AP5Z1: variants seen among roughly 807,000 people sequenced by gnomAD.
The protein encoded by AP5Z1 is adaptor related protein complex 5 subunit zeta 1, also known as AP-5 complex subunit zeta-1.
In AP5Z1, 106 loss-of-function variants were observed where a neutral mutation model predicts 83.0. The observed-to-expected ratio is 1.28, with a 90% CI of 1.09 to 1.50. The LOEUF is 1.50. Among genes scored for constraint, AP5Z1 ranks in the 40% most tolerant of loss-of-function variants. The pLI is 0.00. For synonymous variants in AP5Z1, 751 were observed against 514.1 expected (o/e 1.46, Z -6.23); for missense variants, 1,565 against 1,094.2 (o/e 1.43, Z -6.07).
chr7:4,790,791 C>T lies in AP5Z1; in HGVS notation c.2057C>T (p.Pro686Leu), dbSNP rs1426678740. The T allele has an allele frequency of 9.9e-6, 16 of 1,609,074 alleles. No individual in the cohort carries two copies. Among genetic ancestry groups the T allele is most frequent in the Non-Finnish European group, 1.3e-5 (15 of 1,178,796 alleles). ...ALLFEVTQCR[P>L]SAALPRCPPQ... Reference sequence around the variant, plus strand: ...CTATTCGAGGTCACCCAGTGCCGCCCCTCTGCTGCCCTGCCCAGGTGTCCC... The same window carrying T: ...CTATTCGAGGTCACCCAGTGCCGCCTCTCTGCTGCCCTGCCCAGGTGTCCC... Residue 686 changes from proline (P) to leucine (L), a missense_variant, in exon 16 of 17, where the codon CCC becomes CTC. By Grantham distance (98) the Pro-to-Leu change is moderately conservative (BLOSUM62 -3). Transcript: ENST00000649063.
chr7:4,788,646 C>T (rs539201113), intron 12 of AP5Z1, 194 bp from the exon 13 acceptor site: 35 of 547,928 alleles, frequency 6.4e-5, no homozygotes, highest in Non-Finnish European at 8.9e-5. Flanking sequence ...GCCTTTGTCC[C>T]GATGGCTTTA....
intron 10 of AP5Z1, among the ~76,000 whole-genome samples, chr7:4,787,247 C>G (rs1207034069): frequency 6.6e-6 from 1 of 151,970 alleles, no homozygotes; most frequent in African/African-American, 2.4e-5. Context: ...AATCCCAGCA[C>G]CTCGGGAGGC....
rs1404327090 is a variant in AP5Z1, at chr7:4,790,800, C to T, written c.2066C>T (p.Ala689Val). The part of the protein sequence containing the change: ...FEVTQCRPSA[A>V]LPRCPPQVVT... The stretch of plus-strand genomic sequence containing the variant: ...GTCACCCAGTGCCGCCCCTCTGCTG[C>T]CCTGCCCAGGTGTCCCCCCCAGGTG... Residue 689 changes from alanine (A) to valine (V), a missense_variant, in exon 16 of 17, where the codon GCC becomes GTC. By Grantham distance (64) the Ala-to-Val change is moderately conservative. Transcript: ENST00000649063. 6 of 1,609,244 alleles carry T rather than the reference C, an allele frequency of 3.7e-6. No homozygotes were observed. Among genetic ancestry groups the T allele is most frequent in the Non-Finnish European group, 4.2e-6 (5 of 1,178,888 alleles).
intron 1 of AP5Z1, among the ~76,000 whole-genome samples, chr7:4,776,958 A>G (rs892455998): frequency 6.6e-5 from 10 of 152,292 alleles, no homozygotes; most frequent in South Asian, 2.1e-4. Context: ...AGCTAGACCA[A>G]TTGGTGGGAA....
At chr7:4,782,256 A>G (rs546060627) in intron 3 of AP5Z1, among the ~76,000 whole-genome samples, 10 of 152,164 alleles carry the variant, frequency 6.6e-5, no homozygotes, top group Admixed American at 2.0e-4. Context: ...GGGTCTCACT[A>G]TGTTGCCCAG....
chr7:4,784,408 G>A (rs1226046988), intron 6 of AP5Z1, 37 bp downstream of exon 6: 2 of 1,549,994 alleles, frequency 1.3e-6, no homozygotes, highest in South Asian at 1.2e-5. Flanking sequence ...GACAGGGGTG[G>A]GAGGTGGGCG....
chr7:4,781,583 C>T lies in AP5Z1; in HGVS notation c.195C>T (p.Cys65=), dbSNP rs376335137. 9.3e-6 allele frequency: 15 copies of T among 1,608,922 alleles called. No homozygotes were observed. In the African/African-American group the frequency reaches 1.5e-4, roughly 16 times the overall value. The change falls in exon 3 of 17, where the codon TGC becomes TGT. Residue 65 remains cysteine, a synonymous_variant. Transcript: ENST00000649063. ...CGCCTTCCAGGCTGGAGAAGACATG[C>T]GTAGACCTGCTGCAGGCCACCCTCG... ...TKYSRRLEKT[C]VDLLQATLGL... is the part of the protein sequence containing the mutation.
rs147352536 is a variant in AP5Z1 at position 4,793,069 on chromosome 7, G to C, written c.*1684G>C. The C allele has an allele frequency of 3.3e-5, 5 of 152,544 alleles. No individual in the cohort carries two copies. Among genetic ancestry groups the C allele is most frequent in the African/African-American group, 9.6e-5 (4 of 41,594 alleles). 9.4% of individuals were successfully genotyped at this position (152,544 alleles called of 1,614,324 possible). A position where few individuals can be genotyped will look rare whatever the true frequency, so the allele number is the denominator to read the frequency against. On this transcript the variant is annotated 3_prime_UTR_variant, in exon 17 of 17. Transcript: ENST00000649063. ...CAGGCCAGCTGGTGCTAAGTCCGCAGCCTGTGCAGCAGCGCCCGGCTTAGG... is the reference window on the plus strand; with the variant it reads ...CAGGCCAGCTGGTGCTAAGTCCGCACCCTGTGCAGCAGCGCCCGGCTTAGG...
chr7:4,788,423 CCGTCATCA>C, intron 12 of AP5Z1, 129 bp downstream of exon 12: 1 of 1,195,888 alleles, frequency 8.4e-7, no homozygotes, highest in South Asian at 1.7e-5. Context: ...GGCTGCGTCC[CCGTCATCA>C]CCATTATAGA....
chr7:4,789,999 C>CCCCCT (rs1781703036), intron 14 of AP5Z1, 70 bp downstream of exon 14: 1 of 747,518 alleles, frequency 1.3e-6, no homozygotes, highest in Non-Finnish European at 1.8e-6. Context: ...CTCTCCCCTC[C>CCCCCT]CCCCTCCCCT....
chr7:4,781,477 C>A, intron 2 of AP5Z1, 91 bp from the exon 3 acceptor site: 4 of 1,543,490 alleles, frequency 2.6e-6, no homozygotes, highest in Non-Finnish European at 3.5e-6. Context: ...TCCACTGGCC[C>A]AAGGGTGCCC....
At position 4,794,076 on chromosome 7, in the gene AP5Z1, A is replaced by T. The variant is rs575675624; in HGVS notation, c.*2691A>T. 1 of 152,650 alleles carries T rather than the reference A, an allele frequency of 6.6e-6. No homozygotes were observed. Among genetic ancestry groups the T allele is most frequent in the Middle Eastern group, 3.1e-3 (1 of 322 alleles). The allele number at this position is 152,650 out of a possible 1,614,324, so 9.5% of individuals were successfully genotyped here. ...CCAATCAGCACCTTGTGTCTAGCTC[A>T]GGGTTTGTGAATGCACCAATAGACA... On this transcript the variant is annotated 3_prime_UTR_variant, in exon 17 of 17. Transcript: ENST00000649063.
chr7:4,784,156 T>A (rs1781464735), intron 5 of AP5Z1, 47 bp from the exon 6 acceptor site: 2 of 1,532,070 alleles, frequency 1.3e-6, no homozygotes, highest in Non-Finnish European at 1.8e-6. Flanking sequence ...CTGGCGTTTT[T>A]CCCGGCCTCG....
At chr7:4,785,706 G>GCTGACTCGGGGCTCT in intron 9 of AP5Z1, 22 bp downstream of exon 9, 2 of 1,472,514 alleles carry the variant, frequency 1.4e-6, no homozygotes, top group Non-Finnish European at 1.8e-6. Flanking sequence ...GTGGGGTGGC[G>GCTGACTCGGGGCTCT]CTGACTCGGG....
intron 1 of AP5Z1, among the ~76,000 whole-genome samples, chr7:4,778,132 G>A (rs1003795470): frequency 8.5e-5 from 13 of 152,214 alleles, no homozygotes; most frequent in African/African-American, 3.1e-4. Flanking sequence ...GGCTGAGGCA[G>A]GAGGATCACT....
intron 6 of AP5Z1, 87 bp downstream of exon 6, chr7:4,784,458 G>T: frequency 6.9e-7 from 1 of 1,444,432 alleles, no homozygotes; most frequent in Non-Finnish European, 9.2e-7. Flanking sequence ...GCGGAGGTGG[G>T]GGGACTCGGG....
chr7:4,776,734 CAAAAG>C (rs1562401266), intron 1 of AP5Z1, among the ~76,000 whole-genome samples: 1 of 151,776 alleles, frequency 6.6e-6, no homozygotes, highest in Non-Finnish European at 1.5e-5. Flanking sequence ...AACTCCGTCT[CAAAAG>C]AAAAAAGAAA....
In AP5Z1 at chr7:4,784,272, C is replaced by T. The variant is rs774832344; in HGVS notation, c.691C>T (p.Arg231Cys). ...DFFTVLSSGH[R>C]FTDDQWLNVQ... The stretch of plus-strand genomic sequence containing the variant: ...CTTCACGGTGCTCTCCAGCGGCCAC[C>T]GCTTCACAGACGACCAGTGGCTGAA... The change falls in exon 6 of 17, where the codon CGC (arginine) becomes TGC (cysteine). Residue 231 changes from arginine to cysteine, a missense_variant. Coordinates refer to ENST00000649063, the MANE Select transcript of AP5Z1 (RefSeq NM_014855.3). 1.6e-4 allele frequency: 253 copies of T among 1,600,608 alleles called. 1 individual carries two copies. The Middle Eastern group carries it at 2.1e-3, about 14-fold the overall frequency.
rs1781471665 is a variant in AP5Z1, at chr7:4,784,327, G to C, written c.746G>C (p.Trp249Ser). 3 of 1,601,066 alleles carry C rather than the reference G, an allele frequency of 1.9e-6. No homozygotes were observed. The highest frequency in any genetic ancestry group is 2.6e-6 in the Non-Finnish European group (3 of 1,175,094). Reference protein sequence around the residue: ...NVQAFSMLRAWLLHSGPEGPG... With the variant: ...NVQAFSMLRASLLHSGPEGPG... Reference sequence around the variant, plus strand: ...CAGGCCTTCTCTATGCTGCGGGCGTGGCTGCTGCACAGCGGCCCCGAGGGC... The same window carrying C: ...CAGGCCTTCTCTATGCTGCGGGCGTCGCTGCTGCACAGCGGCCCCGAGGGC... The change falls in exon 6 of 17, where the codon TGG becomes TCG. Residue 249 changes from tryptophan to serine, a missense_variant. Physicochemically the swap from Trp to Ser is radical, Grantham distance 177. Coordinates refer to ENST00000649063, the MANE Select transcript of AP5Z1 (RefSeq NM_014855.3).
Sources: gnomAD v4.1 joint callset for allele counts (sites outside exome capture counted in the v4.1 genomes callset) on GRCh38, gnomAD v4.1.1 for gene constraint, MANE v1.5 for transcripts, NCBI Gene and HGNC (gene_info 2026-07-23, HGNC 2026-07-21) for gene names.